Variants in UBE3C observed in about 807,000 individuals in gnomAD.
UBE3C encodes ubiquitin protein ligase E3C, also known as ubiquitin-protein ligase E3C.
UBE3C carries 42 observed loss-of-function variants against 129.4 expected under a neutral mutation model. The observed-to-expected ratio is 0.32, with a 90% CI of 0.25 to 0.42. The LOEUF (loss-of-function observed/expected upper bound fraction) is 0.42. Ranked by LOEUF, UBE3C falls within the 10% of genes least tolerant of loss-of-function variation. The pLI is 1.00. For synonymous variants in UBE3C, 510 were observed against 492.4 expected, an observed-to-expected ratio of 1.04 and a Z score of -0.47; for missense variants, 1,049 against 1,319.1, an observed-to-expected ratio of 0.80 and a Z score of 3.17.
intron 19 of UBE3C, 139 bp downstream of exon 19, chr7:157,248,719 A>C: frequency 1.1e-6 from 1 of 905,344 alleles, no homozygotes. Context: ...TTAGACGTCG[A>C]AGCATATAGC....
chr7:157,179,702 A>C (rs1027027254), intron 6 of UBE3C, among the ~76,000 whole-genome samples: 2 of 152,204 alleles, frequency 1.3e-5, no homozygotes, highest in Non-Finnish European at 2.9e-5. Flanking sequence ...AATTATAAGC[A>C]GCTGTGCTTT....
intron 18 of UBE3C, chr7:157,231,603 C>A: frequency 2.5e-6 from 1 of 404,338 alleles, no homozygotes; most frequent in Non-Finnish European, 4.6e-6. Flanking sequence ...GTGAGCTCGG[C>A]CGTCATGAAT....
intron 1 of UBE3C, among the ~76,000 whole-genome samples, chr7:157,154,630 G>A (rs1301374705): frequency 6.6e-6 from 1 of 152,096 alleles, no homozygotes; most frequent in Non-Finnish European, 1.5e-5. Context: ...ATTGTCTTTA[G>A]AGTTTTGCTA....
chr7:157,201,610 A>T, intron 10 of UBE3C, 111 bp from the exon 11 acceptor site: 1 of 746,166 alleles, frequency 1.3e-6, no homozygotes, highest in Non-Finnish European at 2.0e-6. Flanking sequence ...AGATTTGCTA[A>T]ATTGTACGTT....
In UBE3C at chr7:157,169,045, T is replaced by G; in HGVS notation, c.121-3T>G. ...CTCCCTCACTCCTCCTTTTATTGTT[T>G]AGGAAGAAAGGCGAAGGTTGAAAAA... On this transcript the variant is annotated splice_region_variant and splice_polypyrimidine_tract_variant and intron_variant, in intron 2 of 22. Transcript: ENST00000348165. 2 of 1,613,262 alleles carry G rather than the reference T, an allele frequency of 1.2e-6. No individual in the cohort carries two copies. Among genetic ancestry groups the G allele is most frequent in the Non-Finnish European group, 1.7e-6 (2 of 1,179,400 alleles).
chr7:157,238,619 G>A lies in UBE3C; in HGVS notation c.2481+7292G>A, dbSNP rs76219731. On this transcript the variant is annotated intron_variant, in intron 18 of 22. Coordinates refer to ENST00000348165, the MANE Select transcript of UBE3C (RefSeq NM_014671.3). ...GGTGTGGAGAGGGAGGCATTCTTATGGAGGCTTAGTGAGGGGCAGTTGAGG... is the reference window on the plus strand; with the variant it reads ...GGTGTGGAGAGGGAGGCATTCTTATAGAGGCTTAGTGAGGGGCAGTTGAGG... Among the ~76,000 whole-genome samples the A allele has an allele frequency of 3.4e-3, 524 of 152,200 alleles. 15 individuals carry two copies. In the South Asian group the frequency reaches 0.047, roughly 14 times the overall value.
chr7:157,164,996 T>C (rs1808174929), intron 2 of UBE3C, among the ~76,000 whole-genome samples: 1 of 152,138 alleles, frequency 6.6e-6, no homozygotes, highest in Admixed American at 6.5e-5. Flanking sequence ...GGGGAACTGC[T>C]CTGTACATTG....
chr7:157,261,937 A>C (rs1273256478), intron 22 of UBE3C, among the ~76,000 whole-genome samples: 3 of 152,344 alleles, frequency 2.0e-5, no homozygotes, highest in African/African-American at 7.2e-5. Context: ...CTCAGATTTC[A>C]GTGAAGAACT....
chr7:157,214,463 T>C (rs1420460931), intron 13 of UBE3C, among the ~76,000 whole-genome samples: 1 of 152,158 alleles, frequency 6.6e-6, no homozygotes, highest in African/African-American at 2.4e-5. Flanking sequence ...GGATGATAAA[T>C]TCATGGGGAC....
At chr7:157,188,868 G>T in intron 10 of UBE3C, 1 of 493,504 alleles carries the variant, frequency 2.0e-6, no homozygotes, top group Non-Finnish European at 3.7e-6. Context: ...TCATTCACAG[G>T]CCCTCACTGA....
chr7:157,187,224 G>A (rs1054392389), intron 10 of UBE3C, among the ~76,000 whole-genome samples: 7 of 152,044 alleles, frequency 4.6e-5, no homozygotes, highest in African/African-American at 9.7e-5. Context: ...TTCCTGGCCC[G>A]TGAGGCTCTC....
intron 10 of UBE3C, among the ~76,000 whole-genome samples, chr7:157,197,317 TTAACAC>T (rs1362225789): frequency 1.3e-5 from 2 of 152,170 alleles, no homozygotes; most frequent in African/African-American, 2.4e-5. Flanking sequence ...AAACAAAACA[TTAACAC>T]TAAGTATGTA....
intron 16 of UBE3C, among the ~76,000 whole-genome samples, chr7:157,224,808 T>TCCCA (rs796507786): frequency 1.3e-5 from 2 of 151,494 alleles, no homozygotes; most frequent in African/African-American, 4.9e-5. Context: ...TCTCTCTCTC[T>TCCCA]CTCTCCCACT....
At chr7:157,201,659 AAG>A in intron 10 of UBE3C, 60 bp from the exon 11 acceptor site, 1 of 258,596 alleles carries the variant, frequency 3.9e-6, no homozygotes, top group Non-Finnish European at 5.6e-6. Flanking sequence ...TTTTTTTTTT[AAG>A]AAATGTTTTG....
At chr7:157,216,103 G>A (rs1795559408) in intron 13 of UBE3C, among the ~76,000 whole-genome samples, 1 of 152,176 alleles carries the variant, frequency 6.6e-6, no homozygotes, top group African/African-American at 2.4e-5. Context: ...GATCAGACTC[G>A]ATTTTTCTGG....
At chr7:157,144,158 TGCTGTGGCGCA>T (rs1807535888) in intron 1 of UBE3C, among the ~76,000 whole-genome samples, 1 of 152,204 alleles carries the variant, frequency 6.6e-6, no homozygotes, top group South Asian at 2.1e-4. Context: ...ACAGGCCGGA[TGCTGTGGCGCA>T]CGCCTACAAT....
At chr7:157,161,304 A>G (rs1351095204) in intron 1 of UBE3C, among the ~76,000 whole-genome samples, 1 of 152,210 alleles carries the variant, frequency 6.6e-6, no homozygotes, top group East Asian at 1.9e-4. Context: ...TAAAAGTTTA[A>G]AAAATTAAAG....
chr7:157,147,065 CA>C (rs71522069), intron 1 of UBE3C, among the ~76,000 whole-genome samples: 3 of 151,654 alleles, frequency 2.0e-5, no homozygotes, highest in East Asian at 3.9e-4. Context: ...TTGATATTCA[CA>C]AAAAAAACCT....
Position 157,216,855 on chromosome 7 carries a change from C to T in UBE3C, c.1810-12C>T. ...CTCACGTGTGTGACGCGGATATGTT[C>T]TTTCTTTTCAGGTTATCACCAATCT... On this transcript the variant is annotated splice_polypyrimidine_tract_variant and intron_variant, in intron 13 of 22. Transcript: ENST00000348165. 1 of 1,609,028 alleles carries T rather than the reference C, an allele frequency of 6.2e-7. No homozygotes were observed. Among genetic ancestry groups the T allele is most frequent in the Non-Finnish European group, 8.5e-7 (1 of 1,175,668 alleles).
Sources: gnomAD v4.1 joint callset for allele counts (sites outside exome capture counted in the v4.1 genomes callset) on GRCh38, gnomAD v4.1.1 for gene constraint, MANE v1.5 for transcripts, NCBI Gene and HGNC (gene_info 2026-07-23, HGNC 2026-07-21) for gene names.